Variants in ROCK1 observed in about 807,000 individuals in gnomAD.
ROCK1 encodes the protein rho-associated protein kinase 1.
A neutral mutation model predicts 196.8 loss-of-function variants in ROCK1; 36 were observed. The observed-to-expected ratio is 0.18, with a 90% CI of 0.14 to 0.24. The LOEUF is 0.24. Among genes scored for constraint, ROCK1 ranks in the 10% least tolerant of loss-of-function variants. ROCK1 has a pLI of 1.00. For synonymous variants in ROCK1, 443 were observed against 515.9 expected (o/e 0.86, Z 1.91); for missense variants, 920 against 1,562.0 (o/e 0.59, Z 6.93).
At chr18:21,041,994 T>C in intron 8 of ROCK1, 103 bp downstream of exon 8, 1 of 1,070,162 alleles carries the variant, frequency 9.3e-7, no homozygotes, top group Non-Finnish European at 1.4e-6. Flanking sequence ...GTCATTTATA[T>C]TCTAACAATT....
chr18:21,094,274 G>C (rs2036594557), intron 1 of ROCK1, among the ~76,000 whole-genome samples: 1 of 152,170 alleles, frequency 6.6e-6, no homozygotes, highest in Admixed American at 6.5e-5. Context: ...CCTTTAATGA[G>C]ACTAGGTTTT....
intron 1 of ROCK1, among the ~76,000 whole-genome samples, chr18:21,092,719 G>C (rs2036581721): frequency 6.6e-6 from 1 of 150,878 alleles, no homozygotes. Context: ...TGGGAAACAA[G>C]ACTTTTTCTT....
chr18:21,108,462 G>T (rs1207985474), intron 1 of ROCK1, among the ~76,000 whole-genome samples: 1 of 152,128 alleles, frequency 6.6e-6, no homozygotes, highest in Non-Finnish European at 1.5e-5. Context: ...CAGTCTACAG[G>T]TCATTTTCTC....
chr18:21,007,110 C>T (rs1392354092), intron 14 of ROCK1, among the ~76,000 whole-genome samples: 10 of 151,984 alleles, frequency 6.6e-5, no homozygotes, highest in Non-Finnish European at 1.5e-4. Flanking sequence ...AGTTCAATTG[C>T]TTGATAATTC....
chr18:21,012,760 A>G (rs2035829882), intron 13 of ROCK1, among the ~76,000 whole-genome samples: 1 of 152,138 alleles, frequency 6.6e-6, no homozygotes, highest in Admixed American at 6.5e-5. Flanking sequence ...TTCGAGTGAC[A>G]CAAATGTTAG....
At chr18:21,062,832 C>G (rs1294052500) in intron 2 of ROCK1, among the ~76,000 whole-genome samples, 1 of 152,120 alleles carries the variant, frequency 6.6e-6, no homozygotes, top group Non-Finnish European at 1.5e-5. Flanking sequence ...CTTTCTAGAT[C>G]ATCTCTAACA....
At chr18:21,042,286 A>C in intron 7 of ROCK1, 51 bp from the exon 8 acceptor site, 1 of 1,482,454 alleles carries the variant, frequency 6.7e-7, no homozygotes, top group Admixed American at 2.3e-5. Context: ...ATTTTTAAAA[A>C]GTCAGTTTCA....
At chr18:20,974,169 G>A (rs1004395530) in intron 22 of ROCK1, among the ~76,000 whole-genome samples, 2 of 152,132 alleles carry the variant, frequency 1.3e-5, no homozygotes, top group Non-Finnish European at 2.9e-5. Flanking sequence ...TAGCTATGGT[G>A]GTGAAAGAGA....
At chr18:21,040,515 T>A (rs1326380582) in intron 8 of ROCK1, among the ~76,000 whole-genome samples, 3 of 152,216 alleles carry the variant, frequency 2.0e-5, no homozygotes, top group Admixed American at 2.0e-4. Context: ...TTTTCCCTAG[T>A]ACAGTGCTTA....
At chr18:21,054,675 G>A (rs948698175) in intron 2 of ROCK1, among the ~76,000 whole-genome samples, 2 of 151,942 alleles carry the variant, frequency 1.3e-5, no homozygotes, top group African/African-American at 4.8e-5. Context: ...CTGATTTACT[G>A]AACTTCTCTC....
At chr18:20,974,016 C>T (rs1220023979) in intron 22 of ROCK1, among the ~76,000 whole-genome samples, 3 of 151,946 alleles carry the variant, frequency 2.0e-5, no homozygotes, top group African/African-American at 7.3e-5. Flanking sequence ...GTGATCCCCC[C>T]GCCTCAGCCT....
intron 1 of ROCK1, among the ~76,000 whole-genome samples, chr18:21,095,093 T>C (rs1399211936): frequency 2.1e-5 from 3 of 141,490 alleles, no homozygotes; most frequent in African/African-American, 7.9e-5. Context: ...GGCAAACAAG[T>C]ATATGAAAAG....
chr18:20,985,494 C>A (rs1431069968), intron 19 of ROCK1, among the ~76,000 whole-genome samples: 1 of 152,176 alleles, frequency 6.6e-6, no homozygotes. Flanking sequence ...TTCTGTAACT[C>A]CCAAATGTGA....
At chr18:21,071,894 T>C (rs79942904) in intron 1 of ROCK1, among the ~76,000 whole-genome samples, 71 of 152,326 alleles carry the variant, frequency 4.7e-4, no homozygotes, top group East Asian at 1.9e-3. Context: ...TTACAACACA[T>C]AACAGATTTG....
chr18:21,047,559 C>G (rs1295441401), intron 4 of ROCK1, among the ~76,000 whole-genome samples: 1 of 152,024 alleles, frequency 6.6e-6, no homozygotes, highest in African/African-American at 2.4e-5. Flanking sequence ...TTTGGGAGGC[C>G]GAGGCAGGCG....
chr18:21,076,321 C>T (rs1172395859), intron 1 of ROCK1, among the ~76,000 whole-genome samples: 2 of 151,960 alleles, frequency 1.3e-5, no homozygotes, highest in Non-Finnish European at 2.9e-5. Flanking sequence ...CTGGCTAATA[C>T]GGTGAAACCC....
At chr18:21,003,104 C>T in intron 16 of ROCK1, among the ~76,000 whole-genome samples, 1 of 152,082 alleles carries the variant, frequency 6.6e-6, no homozygotes, top group Non-Finnish European at 1.5e-5. Flanking sequence ...TGACAAAGTC[C>T]TACCGAAGTA....
At chr18:21,061,968 A>G (rs1443452946) in intron 2 of ROCK1, among the ~76,000 whole-genome samples, 1 of 152,226 alleles carries the variant, frequency 6.6e-6, no homozygotes, top group Non-Finnish European at 1.5e-5. Flanking sequence ...TTGTGATACT[A>G]GTTTAGAGCT....
chr18:20,982,340 C>T (rs757473342), intron 21 of ROCK1, among the ~76,000 whole-genome samples: 3 of 152,176 alleles, frequency 2.0e-5, no homozygotes, highest in Non-Finnish European at 4.4e-5. Flanking sequence ...TAATGTCCAA[C>T]TACTGGACTC....
Sources: gnomAD v4.1 joint callset for allele counts (sites outside exome capture counted in the v4.1 genomes callset) on GRCh38, gnomAD v4.1.1 for gene constraint, MANE v1.5 for transcripts, NCBI Gene and HGNC (gene_info 2026-07-23, HGNC 2026-07-21) for gene names.